Variants in ZBTB16 observed in about 807,000 individuals in gnomAD.
ZBTB16 encodes the protein zinc finger and BTB domain-containing protein 16.
Under a neutral mutation model 56.8 loss-of-function variants are expected in ZBTB16, and 8 were observed. The ratio of observed to expected loss-of-function variants is 0.14; its 90% CI spans 0.08 to 0.25. ZBTB16 has a LOEUF of 0.25. Among genes scored for constraint, ZBTB16 ranks in the 10% least tolerant of loss-of-function variants. The probability of loss-of-function intolerance (pLI) is 1.00; values close to 1 mark genes in which losing one functional copy is unlikely to be tolerated. For missense variants in ZBTB16, 625 were observed against 903.0 expected, an observed-to-expected ratio of 0.69 and a Z score of 3.95; for synonymous variants, 363 against 368.5, an observed-to-expected ratio of 0.98 and a Z score of 0.17.
chr11:114,073,221 A>G (rs1939415974), intron 2 of ZBTB16, among the ~76,000 whole-genome samples: 2 of 152,154 alleles, frequency 1.3e-5, no homozygotes, highest in Admixed American at 6.5e-5. Context: ...CAGAGGGTTC[A>G]GCTCTTTAGG....
At chr11:114,114,771 C>T (rs978803633) in intron 2 of ZBTB16, among the ~76,000 whole-genome samples, 1 of 151,836 alleles carries the variant, frequency 6.6e-6, no homozygotes, top group African/African-American at 2.4e-5. Flanking sequence ...CCTCTGCCTG[C>T]CAGGCTCAAG....
chr11:114,095,249 T>TCTTTTCTTTTCTTTTTTC (rs56992106), intron 2 of ZBTB16, among the ~76,000 whole-genome samples: 1 of 101,252 alleles, frequency 9.9e-6, no homozygotes, highest in South Asian at 3.3e-4. Context: ...TCTTTTCTTT[T>TCTTTTCTTTTCTTTTTTC]TTTTTTTTTT....
chr11:114,093,764 T>C (rs1940279604), intron 2 of ZBTB16, among the ~76,000 whole-genome samples: 2 of 152,250 alleles, frequency 1.3e-5, no homozygotes, highest in Admixed American at 6.5e-5. Context: ...AGGCCTAATC[T>C]GTAAGAACAG....
chr11:114,086,928 A>C (rs1401169414), intron 2 of ZBTB16, among the ~76,000 whole-genome samples: 1 of 152,182 alleles, frequency 6.6e-6, no homozygotes, highest in East Asian at 1.9e-4. Context: ...CCCAGACTCC[A>C]GTATTGGCTC....
At chr11:114,112,262 T>C (rs1353388667) in intron 2 of ZBTB16, among the ~76,000 whole-genome samples, 2 of 152,220 alleles carry the variant, frequency 1.3e-5, no homozygotes, top group African/African-American at 4.8e-5. Flanking sequence ...CCTACAGTTT[T>C]GATTATGGTT....
intron 2 of ZBTB16, among the ~76,000 whole-genome samples, chr11:114,103,642 G>A (rs954173206): frequency 1.3e-5 from 2 of 151,994 alleles, no homozygotes; most frequent in Non-Finnish European, 2.9e-5. Context: ...CCCCCACCCT[G>A]TGTCAGCATC....
At chr11:114,163,194 GT>G (rs1942641537) in intron 3 of ZBTB16, among the ~76,000 whole-genome samples, 1 of 88,798 alleles carries the variant, frequency 1.1e-5, no homozygotes, top group Non-Finnish European at 2.3e-5. Flanking sequence ...CCCGTCCTCA[GT>G]CCCCCCCCAA....
chr11:114,245,277 G>T (rs2135206863), intron 5 of ZBTB16, among the ~76,000 whole-genome samples: 1 of 152,352 alleles, frequency 6.6e-6, no homozygotes, highest in East Asian at 1.9e-4. Flanking sequence ...CAGATCTGCA[G>T]GTGAGGGACT....
At position 114,255,147 on chromosome 11, in the gene ZBTB16, C is replaced by T. The variant is rs1320997147; in HGVS notation, c.*4592C>T. On this transcript the variant is annotated 3_prime_UTR_variant, in exon 7 of 7. Transcript: ENST00000335953. ...TGTATGTAAATTATAGCACTGAGGG[C>T]CCTGCTGCCCTGCTGGACCAAGCAA... is the stretch of plus-strand genomic sequence containing the variant. Among the ~76,000 whole-genome samples the T allele has an allele frequency of 1.3e-5, 2 of 152,112 alleles. No individual in the cohort carries two copies. Among genetic ancestry groups the T allele is most frequent in the Non-Finnish European group, 1.5e-5 (1 of 68,034 alleles).
intron 2 of ZBTB16, among the ~76,000 whole-genome samples, chr11:114,068,016 A>G (rs1939184943): frequency 6.6e-6 from 1 of 151,582 alleles, no homozygotes; most frequent in Non-Finnish European, 1.5e-5. Flanking sequence ...TGGTGGAAAA[A>G]AAAAAACAAC....
intron 3 of ZBTB16, among the ~76,000 whole-genome samples, chr11:114,183,189 T>A (rs1943289563): frequency 6.6e-6 from 1 of 152,166 alleles, no homozygotes; most frequent in African/African-American, 2.4e-5. Context: ...ACGTTTGTGT[T>A]ATCCACGTGT....
At chr11:114,196,368 C>T (rs1288808655) in intron 4 of ZBTB16, among the ~76,000 whole-genome samples, 1 of 111,950 alleles carries the variant, frequency 8.9e-6, no homozygotes, top group Non-Finnish European at 1.9e-5. Flanking sequence ...AACCTTCCAC[C>T]TCATCCTACC....
At chr11:114,140,469 G>A (rs1003309160) in intron 2 of ZBTB16, among the ~76,000 whole-genome samples, 2 of 152,202 alleles carry the variant, frequency 1.3e-5, no homozygotes, top group Admixed American at 6.5e-5. Context: ...TCAGTCAATG[G>A]ATTCTCAACT....
chr11:114,071,390 G>T lies in ZBTB16; in HGVS notation c.1268+6822G>T, dbSNP rs376423254. 8.5e-5 allele frequency among the ~76,000 whole-genome samples: 13 copies of T among 152,224 alleles called. No individual in the cohort carries two copies. In the East Asian group the frequency reaches 2.5e-3, roughly 29 times the overall value. ...GTTGCCCACTCTTTCATCTCAGTGA[G>T]AAGTCCCATTTTAATTTGCCATCAC... On this transcript the variant is annotated intron_variant, in intron 2 of 6. Coordinates refer to ENST00000335953, the MANE Select transcript of ZBTB16 (RefSeq NM_006006.6).
intron 2 of ZBTB16, among the ~76,000 whole-genome samples, chr11:114,095,529 G>A (rs1325574406): frequency 1.3e-5 from 2 of 152,062 alleles, no homozygotes; most frequent in Non-Finnish European, 2.9e-5. Context: ...CACAGTGCTG[G>A]GATTACAGGC....
At chr11:114,163,967 G>A (rs954046994) in intron 3 of ZBTB16, among the ~76,000 whole-genome samples, 7 of 152,166 alleles carry the variant, frequency 4.6e-5, no homozygotes, top group Admixed American at 1.3e-4. Context: ...GAGCCCCCTC[G>A]TTGCTAAGTA....
At chr11:114,112,203 T>C (rs1401646144) in intron 2 of ZBTB16, among the ~76,000 whole-genome samples, 1 of 152,212 alleles carries the variant, frequency 6.6e-6, no homozygotes, top group African/African-American at 2.4e-5. Flanking sequence ...AAAATGAATC[T>C]TTTATCTGTC....
chr11:114,221,524 T>C (rs1259439244), intron 4 of ZBTB16, among the ~76,000 whole-genome samples: 2 of 152,170 alleles, frequency 1.3e-5, no homozygotes, highest in East Asian at 3.8e-4. Flanking sequence ...AGTTAGAGAA[T>C]GTTTCAGGGA....
rs75529566 is a variant in ZBTB16 at position 114,109,240 on chromosome 11, T to C, written c.1268+44672T>C. On this transcript the variant is annotated intron_variant, in intron 2 of 6. Coordinates refer to ENST00000335953, the MANE Select transcript of ZBTB16 (RefSeq NM_006006.6). ...TGTCTCAGGAATTTTGTCCTAGCAT[T>C]ATCTGACTTTATTGCTCTTATAGAA... 1.5e-3 allele frequency among the ~76,000 whole-genome samples: 224 copies of C among 152,362 alleles called. 3 individuals are homozygous for C. The East Asian group carries it at 0.033, about 23-fold the overall frequency.
Sources: allele counts gnomAD v4.1 joint callset (sites outside exome capture counted in the v4.1 genomes callset), GRCh38; gene constraint gnomAD v4.1.1; transcripts MANE v1.5; gene names NCBI Gene and HGNC (gene_info 2026-07-23, HGNC 2026-07-21).